Variants in CNBD1 observed in about 807,000 individuals in gnomAD.
CNBD1 encodes cyclic nucleotide-binding domain-containing protein 1.
A neutral mutation model predicts 54.4 loss-of-function variants in CNBD1; 71 were observed. The ratio of observed to expected loss-of-function variants is 1.30; its 90% CI spans 1.08 to 1.59. The LOEUF (loss-of-function observed/expected upper bound fraction) is 1.59, where lower values mean the gene tolerates loss of function less well. Ranked by LOEUF, CNBD1 falls within the 40% of genes most tolerant of loss-of-function variation. CNBD1 has a pLI of 0.00. For missense variants in CNBD1, 659 were observed against 518.0 expected (o/e 1.27, Z -2.64); for synonymous variants, 182 against 170.7 (o/e 1.07, Z -0.51).
At chr8:87,038,549 A>T (rs1809998174) in intron 4 of CNBD1, among the ~76,000 whole-genome samples, 1 of 152,194 alleles carries the variant, frequency 6.6e-6, no homozygotes, top group African/African-American at 2.4e-5. Flanking sequence ...GGCCAATCTT[A>T]GGTTCTACAA....
intron 2 of CNBD1, among the ~76,000 whole-genome samples, chr8:87,401,845 A>C (rs1807570686): frequency 6.6e-6 from 1 of 152,060 alleles, no homozygotes; most frequent in Admixed American, 6.6e-5. Context: ...TCATTTGATA[A>C]TTAAACACAG....
At chr8:87,191,913 A>G (rs1813618198) in intron 4 of CNBD1, among the ~76,000 whole-genome samples, 1 of 152,208 alleles carries the variant, frequency 6.6e-6, no homozygotes, top group African/African-American at 2.4e-5. Context: ...TAGCGCATAT[A>G]TGAAAGAAAT....
chr8:87,161,147 CTGTCATT>C (rs1215647119), intron 4 of CNBD1, among the ~76,000 whole-genome samples: 1 of 152,094 alleles, frequency 6.6e-6, no homozygotes, highest in Non-Finnish European at 1.5e-5. Flanking sequence ...TTATGTTGCT[CTGTCATT>C]TCCTGGGATA....
intron 3 of CNBD1, among the ~76,000 whole-genome samples, chr8:86,925,418 AAG>A (rs1163570869): frequency 6.6e-6 from 1 of 151,734 alleles, no homozygotes; most frequent in Non-Finnish European, 1.5e-5. Flanking sequence ...CATCTTTAGA[AAG>A]AGTCTGTATA....
downstream of CNBD1, among the ~76,000 whole-genome samples, chr8:87,387,005 TA>T (rs1426447972): frequency 6.6e-6 from 1 of 152,098 alleles, no homozygotes; most frequent in African/African-American, 2.4e-5. Flanking sequence ...CCAGCCAAAC[TA>T]AGCTCCGTAA....
intron 2 of CNBD1, among the ~76,000 whole-genome samples, chr8:87,396,588 CTG>C (rs894726449): frequency 6.6e-6 from 1 of 151,734 alleles, no homozygotes; most frequent in African/African-American, 2.4e-5. Flanking sequence ...TTTCTTATGA[CTG>C]TTGAATATTT....
intron 4 of CNBD1, among the ~76,000 whole-genome samples, chr8:87,027,890 T>C (rs1809687208): frequency 6.6e-6 from 1 of 152,208 alleles, no homozygotes; most frequent in South Asian, 2.1e-4. Flanking sequence ...GCTCCAAGTG[T>C]GTCCAAACGG....
At chr8:86,977,911 C>A (rs1808378677) in intron 4 of CNBD1, among the ~76,000 whole-genome samples, 1 of 152,042 alleles carries the variant, frequency 6.6e-6, no homozygotes, top group African/African-American at 2.4e-5. Context: ...GATACCAAAT[C>A]CAGACAAAAA....
intron 6 of CNBD1, among the ~76,000 whole-genome samples, chr8:87,249,907 G>A (rs1283850220): frequency 1.3e-5 from 2 of 152,072 alleles, no homozygotes; most frequent in Non-Finnish European, 2.9e-5. Context: ...TTGGGACATT[G>A]GCCTGAACAA....
chr8:86,957,959 G>A (rs1807823065), intron 4 of CNBD1, among the ~76,000 whole-genome samples: 1 of 152,212 alleles, frequency 6.6e-6, no homozygotes, highest in East Asian at 1.9e-4. Context: ...TTTCTCTTGT[G>A]CGCATTTAGT....
At position 87,124,231 on chromosome 8, in the gene CNBD1, T is replaced by G. The variant is rs139742944; in HGVS notation, c.432-81762T>G. ...AATGCAACTTATTCTCACCTTGAGT[T>G]CAGTTTGAGAATTGAACTCAAACAC... On this transcript the variant is annotated intron_variant, in intron 4 of 10. Transcript: ENST00000518476. Among the ~76,000 whole-genome samples, 5 of 151,758 alleles carry G rather than the reference T, an allele frequency of 3.3e-5. No homozygotes were observed. In the East Asian group the frequency reaches 9.7e-4, roughly 29 times the overall value.
intron 4 of CNBD1, among the ~76,000 whole-genome samples, chr8:87,083,314 T>C (rs1811032773): frequency 6.6e-6 from 1 of 152,172 alleles, no homozygotes. Flanking sequence ...CTCCTAATCC[T>C]GAAGAGATTA....
intron 3 of CNBD1, among the ~76,000 whole-genome samples, chr8:86,928,640 G>C (rs1809405637): frequency 6.6e-6 from 1 of 152,196 alleles, no homozygotes. Flanking sequence ...AGACCAACAA[G>C]TATTGAAATC....
At chr8:87,058,911 G>A (rs1052559077) in intron 4 of CNBD1, among the ~76,000 whole-genome samples, 1 of 152,124 alleles carries the variant, frequency 6.6e-6, no homozygotes. Context: ...AGAAAATGGG[G>A]TTTTCTTTTC....
chr8:86,905,232 G>A, intron 3 of CNBD1, 38 bp downstream of exon 3: 1 of 1,122,432 alleles, frequency 8.9e-7, no homozygotes, highest in Non-Finnish European at 1.3e-6. Context: ...GTTGATGGGT[G>A]TGTATGAGTG....
intron 4 of CNBD1, among the ~76,000 whole-genome samples, chr8:86,975,061 C>T (rs1331313220): frequency 6.6e-6 from 1 of 151,926 alleles, no homozygotes; most frequent in Admixed American, 6.6e-5. Flanking sequence ...ACAAAATTAC[C>T]TTAGTGTATA....
chr8:87,354,964 C>G (rs1247723052), intron 10 of CNBD1, among the ~76,000 whole-genome samples: 4 of 152,210 alleles, frequency 2.6e-5, no homozygotes, highest in African/African-American at 9.6e-5. Flanking sequence ...CAAATCAAAA[C>G]CACAATGAGA....
chr8:87,352,181 G>A (rs1810311761), intron 9 of CNBD1, among the ~76,000 whole-genome samples: 1 of 152,032 alleles, frequency 6.6e-6, no homozygotes, highest in African/African-American at 2.4e-5. Context: ...TCTACACGAA[G>A]ACTTATATGA....
chr8:87,142,059 T>A (rs918153184), intron 4 of CNBD1, among the ~76,000 whole-genome samples: 2 of 152,288 alleles, frequency 1.3e-5, no homozygotes, highest in South Asian at 2.1e-4. Context: ...AGTCTTTCAC[T>A]TGAATGTGTC....
Sources: allele counts gnomAD v4.1 joint callset (sites outside exome capture counted in the v4.1 genomes callset), GRCh38; gene constraint gnomAD v4.1.1; transcripts MANE v1.5; gene names NCBI Gene and HGNC (gene_info 2026-07-23, HGNC 2026-07-21).